Variants in DMD observed in about 807,000 individuals in gnomAD.
DMD encodes dystrophin.
Under a neutral mutation model 330.1 loss-of-function variants are expected in DMD, and 63 were observed. The ratio of observed to expected loss-of-function variants is 0.19; its 90% CI spans 0.16 to 0.24. The LOEUF is 0.24. Among genes scored for constraint, DMD ranks in the 10% least tolerant of loss-of-function variants. The pLI, the probability that DMD is intolerant of heterozygous loss-of-function variation, is 1.00. For missense variants in DMD, 3,344 were observed against 2,684.1 expected (o/e 1.25, Z -5.43); for synonymous variants, 1,223 against 959.8 (o/e 1.27, Z -5.07).
At position 33,003,890 on chromosome X, in the gene DMD, G is replaced by GT. The variant is rs769495428; in HGVS notation, c.93+16248dup. Among the ~76,000 whole-genome samples the GT allele has an allele frequency of 8.0e-5, 9 of 112,483 alleles. No homozygotes were observed. In the East Asian group the frequency reaches 2.5e-3, roughly 32 times the overall value. ...CAAAATTGTATTCGATGTTTCAGAA[G>GT]TAAGTTATGATACTACAATCAGTAA... On this transcript the variant is annotated intron_variant, in intron 2 of 78. Transcript: ENST00000357033.
chrX:32,173,068 T>G (rs866951469), intron 44 of DMD, among the ~76,000 whole-genome samples: 5 of 81,039 alleles, frequency 6.2e-5, no homozygotes, highest in Admixed American at 2.4e-4. Context: ...CTGATTTTGG[T>G]GTGTGTGTGT....
At chrX:33,325,487 G>A (rs2054076437) in intron 1 of DMD, among the ~76,000 whole-genome samples, 1 of 112,287 alleles carries the variant, frequency 8.9e-6, no homozygotes, top group African/African-American at 3.2e-5. Context: ...TACATCCACT[G>A]AATTCCTACG....
intron 9 of DMD, among the ~76,000 whole-genome samples, chrX:32,675,811 T>G (rs2061929109): frequency 8.9e-6 from 1 of 112,117 alleles, no homozygotes; most frequent in Admixed American, 9.5e-5. Flanking sequence ...AGGGTTGTTA[T>G]AAACATTGAA....
At chrX:32,242,971 A>AAG (rs2097214960) in intron 43 of DMD, among the ~76,000 whole-genome samples, 5 of 100,952 alleles carry the variant, frequency 5.0e-5, no homozygotes, top group African/African-American at 1.8e-4. Flanking sequence ...GAAGGAAAGG[A>AAG]AAGGAAGAAG....
At chrX:31,245,850 G>A (rs1425402199) in intron 63 of DMD, among the ~76,000 whole-genome samples, 1 of 110,983 alleles carries the variant, frequency 9.0e-6, no homozygotes, top group African/African-American at 3.3e-5. Context: ...TGGCCTTCCT[G>A]TTCTGAGACA....
Position 32,816,449 on chromosome X carries a change from G to A in DMD, c.530+19C>T, listed in dbSNP as rs370019240. ...TCACCACTTTTACAAGTTATTTAATGTCTCAGTAATCTTCTTACCTATGAC... is the reference window on the plus strand; with the variant it reads ...TCACCACTTTTACAAGTTATTTAATATCTCAGTAATCTTCTTACCTATGAC... On this transcript the variant is annotated intron_variant, in intron 6 of 78. Coordinates refer to ENST00000357033, the MANE Select transcript of DMD (RefSeq NM_004006.3). The A allele has an allele frequency of 2.8e-5, 34 of 1,206,473 alleles. No homozygotes were observed. The highest frequency in any genetic ancestry group is 3.5e-5 in the Non-Finnish European group (31 of 892,181).
In DMD at chrX:33,124,494, A is replaced by AC. The variant is rs1569555858; in HGVS notation, c.31+86787_31+86788insG. 4.2e-3 allele frequency among the ~76,000 whole-genome samples: 445 copies of AC among 105,475 alleles called. 6 individuals carry two copies. The highest frequency in any genetic ancestry group is 0.015 in the African/African-American group (430 of 28,899). The allele number at this position is 105,475 out of a possible 115,157, so 91.6% of individuals were successfully genotyped here. A position where few individuals can be genotyped will look rare whatever the true frequency, so the allele number is the denominator to read the frequency against. On this transcript the variant is annotated intron_variant, in intron 1 of 78. Transcript: ENST00000357033. ...TCTGTCTGAAAAAAAAAAAAAAAAA[A>AC]AAAAAAAAAAAAAAAACCGAAAGAA...
At chrX:33,331,691 G>A (rs915425890) in intron 1 of DMD, among the ~76,000 whole-genome samples, 9 of 111,285 alleles carry the variant, frequency 8.1e-5, no homozygotes, top group East Asian at 2.8e-4. Context: ...TAATCTCTGC[G>A]TACCACCTAC....
chrX:32,034,571 A>T (rs1369569824), intron 44 of DMD, among the ~76,000 whole-genome samples: 1 of 111,711 alleles, frequency 9.0e-6, no homozygotes, highest in Admixed American at 9.6e-5. Flanking sequence ...TAGAAAACGT[A>T]TATGCTGAAA....
At chrX:32,628,500 G>T (rs183293819) in intron 11 of DMD, among the ~76,000 whole-genome samples, 1 of 107,063 alleles carries the variant, frequency 9.3e-6, no homozygotes, top group Non-Finnish European at 1.9e-5. Context: ...GTATCATTTT[G>T]TTGTACTTTA....
intron 44 of DMD, among the ~76,000 whole-genome samples, chrX:31,984,418 G>A (rs2095496533): frequency 8.9e-6 from 1 of 112,207 alleles, no homozygotes; most frequent in Non-Finnish European, 1.9e-5. Context: ...TTTGTGTAGA[G>A]TTCATCACAT....
In DMD at chrX:32,759,854, G is replaced by T. The variant is rs79033051; in HGVS notation, c.649+49639C>A. Among the ~76,000 whole-genome samples, 3 of 62,948 alleles carry T rather than the reference G, an allele frequency of 4.8e-5. 1 individual carries two copies. Among genetic ancestry groups the T allele is most frequent in the African/African-American group, 7.4e-5 (1 of 13,585 alleles). The allele number at this position is 62,948 out of a possible 115,157, so 54.7% of individuals were successfully genotyped here. ...ATGCAGGTTTTTCTTGGGGGGGGGGGGGGGGCGGGGGAAGACCCAGGCAGG... is the reference window on the plus strand; with the variant it reads ...ATGCAGGTTTTTCTTGGGGGGGGGGTGGGGGCGGGGGAAGACCCAGGCAGG... On this transcript the variant is annotated intron_variant, in intron 7 of 78. Coordinates refer to ENST00000357033, the MANE Select transcript of DMD (RefSeq NM_004006.3).
rs772413465 is a variant in DMD, at chrX:32,484,849, C to A, written c.2803+70G>T. 9.5e-6 allele frequency: 10 copies of A among 1,052,287 alleles called. No homozygotes were observed. The South Asian group carries it at 1.6e-4, about 16-fold the overall frequency. 86.7% of individuals were successfully genotyped at this position (1,052,287 alleles called of 1,213,427 possible). ...CAGAAATTATTGTTTCATGTTAGTA[C>A]CTTCTGGATTTCCCCACAAATAACC... On this transcript the variant is annotated intron_variant, in intron 21 of 78. Coordinates refer to ENST00000357033, the MANE Select transcript of DMD (RefSeq NM_004006.3).
At chrX:32,687,358 C>G (rs2062958571) in intron 9 of DMD, among the ~76,000 whole-genome samples, 1 of 111,958 alleles carries the variant, frequency 8.9e-6, no homozygotes, top group Non-Finnish European at 1.9e-5. Flanking sequence ...TATGTTTCAT[C>G]TTACATGTTA....
intron 60 of DMD, among the ~76,000 whole-genome samples, chrX:31,388,776 C>T (rs947221167): frequency 9.0e-6 from 1 of 111,412 alleles, no homozygotes; most frequent in African/African-American, 3.3e-5. Context: ...GTGGCAGGCA[C>T]TTGTAATCCC....
intron 52 of DMD, among the ~76,000 whole-genome samples, chrX:31,720,821 C>T (rs749841885): frequency 1.8e-5 from 2 of 111,065 alleles, no homozygotes; most frequent in South Asian, 7.6e-4. Context: ...AAATATTTTT[C>T]CTATTATAAA....
At chrX:31,546,002 G>A (rs754896347) in intron 55 of DMD, among the ~76,000 whole-genome samples, 2 of 111,932 alleles carry the variant, frequency 1.8e-5, no homozygotes, top group South Asian at 7.5e-4. Context: ...CTTTACAACT[G>A]CCTTTCCTGA....
chrX:32,999,802 A>AAAC (rs1557197519), intron 2 of DMD, among the ~76,000 whole-genome samples: 2 of 104,301 alleles, frequency 1.9e-5, no homozygotes, highest in Non-Finnish European at 4.1e-5. Flanking sequence ...ACAAAAACAA[A>AAAC]AAACAAAAAA....
At chrX:31,907,754 A>T in intron 47 of DMD, among the ~76,000 whole-genome samples, 1 of 112,333 alleles carries the variant, frequency 8.9e-6, no homozygotes. Flanking sequence ...GCACAGCAAA[A>T]GAAAGTACCA....
Sources: gnomAD v4.1 joint callset for allele counts (sites outside exome capture counted in the v4.1 genomes callset) on GRCh38, gnomAD v4.1.1 for gene constraint, MANE v1.5 for transcripts, NCBI Gene and HGNC (gene_info 2026-07-23, HGNC 2026-07-21) for gene names.